Variants in MTFR1 observed in about 807,000 individuals in gnomAD.
MTFR1 encodes mitochondrial fission regulator 1, also known as chondrocyte protein with a poly-proline region.
A neutral mutation model predicts 38.8 loss-of-function variants in MTFR1; 28 were observed. That is an observed-to-expected ratio of 0.72 (90% CI 0.53 to 0.99). The LOEUF is 0.99. MTFR1 is among the 50% of genes least tolerant of loss of function. MTFR1 has a pLI of 0.00. For synonymous variants in MTFR1, 145 were observed against 137.0 expected (o/e 1.06, Z -0.41); for missense variants, 358 against 395.5 (o/e 0.91, Z 0.81).
At chr8:65,688,891 T>A (rs1805184457) in intron 3 of MTFR1, among the ~76,000 whole-genome samples, 2 of 152,008 alleles carry the variant, frequency 1.3e-5, no homozygotes, top group South Asian at 4.2e-4. Flanking sequence ...ACACCTGTAA[T>A]CCCAGCACTT....
chr8:65,727,402 TCTC>T (rs1219140670), intron 3 of MTFR1: 133 of 1,516,964 alleles, frequency 8.8e-5, no homozygotes, highest in Admixed American at 1.4e-4. Flanking sequence ...GTGGTGGTAA[TCTC>T]CTCCCCCTTC....
intron 1 of MTFR1, among the ~76,000 whole-genome samples, chr8:65,661,975 AC>A (rs1809425988): frequency 1.3e-5 from 2 of 151,244 alleles, no homozygotes; most frequent in Non-Finnish European, 2.9e-5. Context: ...AAACAAACAA[AC>A]AAACAAAAAG....
At chr8:65,708,884 C>A in intron 7 of MTFR1, 92 bp from the exon 8 acceptor site, 2 of 1,279,102 alleles carry the variant, frequency 1.6e-6, no homozygotes, top group South Asian at 2.4e-5. Flanking sequence ...GCAGAACATA[C>A]CCAGCCCTCT....
chr8:65,716,159 A>C (rs189500560), intron 2 of MTFR1, among the ~76,000 whole-genome samples: 2 of 151,534 alleles, frequency 1.3e-5, no homozygotes, highest in South Asian at 2.1e-4. Flanking sequence ...AAAAAAAAAA[A>C]AAAACAAAAG....
chr8:65,655,949 A>ATATAT lies in MTFR1; in HGVS notation c.-81+11165_-81+11166insTATAT, dbSNP rs1419222687. Reference sequence around the variant, plus strand: ...AGAGCAAGACTCTGTCTTAAAAAAAAAAATATATATATATATATACCATAT... The same window carrying ATATAT: ...AGAGCAAGACTCTGTCTTAAAAAAAATATATAAATATATATATATATATACCATAT... On this transcript the variant is annotated intron_variant, in intron 1 of 7. Coordinates refer to ENST00000262146, the MANE Select transcript of MTFR1 (RefSeq NM_014637.4). 1.9e-4 allele frequency among the ~76,000 whole-genome samples: 3 copies of ATATAT among 15,734 alleles called. No individual in the cohort carries two copies. In the African/African-American group the frequency reaches 2.1e-3, roughly 11 times the overall value. The allele number at this position is 15,734 out of a possible 152,430, so 10.3% of individuals were successfully genotyped here. A position where few individuals can be genotyped will look rare whatever the true frequency, so the allele number is the denominator to read the frequency against.
intron 1 of MTFR1, among the ~76,000 whole-genome samples, chr8:65,663,847 C>G (rs1309943700): frequency 8.2e-5 from 9 of 110,080 alleles, no homozygotes; most frequent in African/African-American, 3.3e-4. Flanking sequence ...TTTTTTGAGA[C>G]GGAGCCTCAC....
intron 1 of MTFR1, among the ~76,000 whole-genome samples, chr8:65,658,152 A>G (rs566498048): frequency 1.3e-5 from 2 of 152,342 alleles, no homozygotes; most frequent in East Asian, 1.9e-4. Flanking sequence ...TAATGAAAAT[A>G]TAGTTAAATG....
chr8:65,702,121 C>T (rs780731580), intron 4 of MTFR1, among the ~76,000 whole-genome samples: 6 of 151,978 alleles, frequency 3.9e-5, no homozygotes, highest in Non-Finnish European at 8.8e-5. Context: ...GAGGGAATCC[C>T]ACTAGTTTTC....
chr8:65,648,896 C>T (rs534642732), intron 1 of MTFR1, among the ~76,000 whole-genome samples: 1 of 151,924 alleles, frequency 6.6e-6, no homozygotes, highest in East Asian at 1.9e-4. Flanking sequence ...TATCATAGCT[C>T]TAAGATATTT....
intron 1 of MTFR1, among the ~76,000 whole-genome samples, chr8:65,645,692 T>TTCCCCCCC (rs1554544272): frequency 2.4e-5 from 2 of 83,178 alleles, no homozygotes; most frequent in Non-Finnish European, 4.3e-5. Flanking sequence ...CGCCCGGCTT[T>TTCCCCCCC]CCCCCCCCCC....
At chr8:65,730,171 C>CTTTTTTTTTTTTTTTTTTTTTT (rs1179431555) in intron 3 of MTFR1, among the ~76,000 whole-genome samples, 5 of 86,446 alleles carry the variant, frequency 5.8e-5, no homozygotes, top group Non-Finnish European at 1.0e-4. Flanking sequence ...TTGCGCACTT[C>CTTTTTTTTTTTTTTTTTTTTTT]TTTTTTTTTT....
At chr8:65,671,427 C>T (rs956685164) in intron 2 of MTFR1, among the ~76,000 whole-genome samples, 2 of 150,822 alleles carry the variant, frequency 1.3e-5, no homozygotes, top group African/African-American at 4.9e-5. Flanking sequence ...CCCAGCTATT[C>T]GGGAGGCTGA....
At chr8:65,707,328 G>A in intron 6 of MTFR1, 72 bp downstream of exon 6, 1 of 1,497,538 alleles carries the variant, frequency 6.7e-7, no homozygotes, top group Non-Finnish European at 9.0e-7. Flanking sequence ...GCTTCTTGAG[G>A]AATTTTGTTT....
At chr8:65,707,645 G>A (rs934519837) in intron 6 of MTFR1, among the ~76,000 whole-genome samples, 198 bp from the exon 7 acceptor site, 1 of 152,164 alleles carries the variant, frequency 6.6e-6, no homozygotes, top group Non-Finnish European at 1.5e-5. Flanking sequence ...ATATTACATG[G>A]CCCTTTATTG....
At chr8:65,768,908 GCTAT>G (rs1808933921) in intron 3 of MTFR1, among the ~76,000 whole-genome samples, 1 of 152,140 alleles carries the variant, frequency 6.6e-6, no homozygotes, top group Non-Finnish European at 1.5e-5. Context: ...AGTGACAGAT[GCTAT>G]CTGAGGAAAT....
intron 3 of MTFR1, among the ~76,000 whole-genome samples, chr8:65,721,356 G>A (rs1806370106): frequency 6.6e-6 from 1 of 152,180 alleles, no homozygotes; most frequent in Non-Finnish European, 1.5e-5. Flanking sequence ...CCCCTATGTT[G>A]GGGAGTAGTA....
intron 1 of MTFR1, among the ~76,000 whole-genome samples, chr8:65,645,590 A>T (rs549631148): frequency 6.7e-6 from 1 of 149,976 alleles, no homozygotes; most frequent in Non-Finnish European, 1.5e-5. Context: ...CAGTGGCGGG[A>T]TCTCTACCCA....
chr8:65,754,417 T>A (rs1339811464), intron 3 of MTFR1, among the ~76,000 whole-genome samples: 1 of 151,898 alleles, frequency 6.6e-6, no homozygotes, highest in East Asian at 2.0e-4. Flanking sequence ...CCCATTCTTT[T>A]ACTTTCAACC....
chr8:65,766,439 C>T (rs375271721), intron 3 of MTFR1, among the ~76,000 whole-genome samples: 11 of 152,172 alleles, frequency 7.2e-5, no homozygotes, highest in Admixed American at 2.0e-4. Flanking sequence ...AAACAAGGAG[C>T]CTCCTGGTTA....
Sources: allele counts gnomAD v4.1 joint callset (sites outside exome capture counted in the v4.1 genomes callset), GRCh38; gene constraint gnomAD v4.1.1; transcripts MANE v1.5; gene names NCBI Gene and HGNC (gene_info 2026-07-23, HGNC 2026-07-21).